Variants in RABEP1 observed in about 807,000 individuals in gnomAD.
The protein encoded by RABEP1 is rab GTPase-binding effector protein 1.
A neutral mutation model predicts 123.4 loss-of-function variants in RABEP1; 51 were observed. The observed-to-expected ratio is 0.41, with a 90% CI of 0.33 to 0.52. The LOEUF is 0.52. Ranked by LOEUF, RABEP1 falls within the 20% of genes least tolerant of loss-of-function variation. The pLI is 0.16. For missense variants in RABEP1, 888 were observed against 996.3 expected (o/e 0.89, Z 1.46); for synonymous variants, 347 against 355.2 (o/e 0.98, Z 0.26).
intron 11 of RABEP1, among the ~76,000 whole-genome samples, chr17:5,367,375 G>T (rs566575304): frequency 6.6e-6 from 1 of 151,152 alleles, no homozygotes; most frequent in Admixed American, 6.6e-5. Flanking sequence ...AGGTTCAAGC[G>T]ATTCTCCTGC....
chr17:5,380,215 G>A, intron 15 of RABEP1, 149 bp from the exon 16 acceptor site: 3 of 597,336 alleles, frequency 5.0e-6, no homozygotes, highest in Non-Finnish European at 8.8e-6. Flanking sequence ...AGAATACAGA[G>A]GGGATCCACA....
intron 5 of RABEP1, among the ~76,000 whole-genome samples, chr17:5,344,457 G>A (rs560298605): frequency 7.2e-5 from 11 of 152,002 alleles, no homozygotes; most frequent in Non-Finnish European, 1.6e-4. Context: ...AAGTCCACAA[G>A]TGACAGATAA....
At chr17:5,322,508 G>T (rs552110972) in intron 2 of RABEP1, among the ~76,000 whole-genome samples, 2 of 152,270 alleles carry the variant, frequency 1.3e-5, no homozygotes, top group East Asian at 1.9e-4. Context: ...TCTGATGGGT[G>T]AGAGAGACTG....
chr17:5,318,528 G>C (rs565450798), intron 2 of RABEP1, among the ~76,000 whole-genome samples: 30 of 152,088 alleles, frequency 2.0e-4, no homozygotes, highest in Non-Finnish European at 4.3e-4. Context: ...GAAAATTATG[G>C]AACAACTTCA....
chr17:5,321,927 G>A (rs1170087050), intron 2 of RABEP1, among the ~76,000 whole-genome samples: 8 of 152,086 alleles, frequency 5.3e-5, no homozygotes, highest in African/African-American at 1.2e-4. Flanking sequence ...AGCTGGGTGC[G>A]GTGGCTCACG....
At chr17:5,381,283 A>G in intron 16 of RABEP1, 106 bp from the exon 17 acceptor site, 1 of 1,502,766 alleles carries the variant, frequency 6.7e-7, no homozygotes, top group South Asian at 1.3e-5. Context: ...TGCGACGGAT[A>G]TCCACCCACC....
intron 1 of RABEP1, among the ~76,000 whole-genome samples, chr17:5,293,810 A>C (rs2075055184): frequency 6.6e-6 from 1 of 152,230 alleles, no homozygotes; most frequent in Admixed American, 6.5e-5. Flanking sequence ...AAAATCAATT[A>C]GATAGCTGCT....
At position 5,350,598 on chromosome 17, in the gene RABEP1, G is replaced by A. The variant is rs937095791; in HGVS notation, c.932G>A (p.Arg311Gln). Reference sequence around the variant, plus strand: ...ATTGTGCTAACTTCAGAACAGCTCCGACAAGTTGAAGAACTGAAGAAGAAA... The same window carrying A: ...ATTGTGCTAACTTCAGAACAGCTCCAACAAGTTGAAGAACTGAAGAAGAAA... The part of the protein sequence containing the change: ...MEIVLTSEQL[R>Q]QVEELKKKDQ... Residue 311 changes from arginine (R) to glutamine (Q), a missense_variant, in exon 7 of 18, where the codon CGA becomes CAA. Transcript: ENST00000537505. 4.3e-6 allele frequency: 7 copies of A among 1,613,848 alleles called. No homozygotes were observed. The South Asian group carries it at 4.4e-5, about 10-fold the overall frequency.
At position 5,356,850 on chromosome 17, in the gene RABEP1, C is replaced by T. The variant is rs567882697; in HGVS notation, c.1095+2360C>T. ...TAGAGACGGTGTTTCAACATGTTGC[C>T]CCGGCTGGAACACATGTGTTTCTAT... On this transcript the variant is annotated intron_variant, in intron 8 of 17. Transcript: ENST00000537505. Among the ~76,000 whole-genome samples, 3 of 149,894 alleles carry T rather than the reference C, an allele frequency of 2.0e-5. No individual in the cohort carries two copies. In the South Asian group the frequency reaches 6.4e-4, roughly 32 times the overall value.
intron 1 of RABEP1, among the ~76,000 whole-genome samples, chr17:5,295,698 T>C (rs1039480504): frequency 2.6e-5 from 4 of 152,158 alleles, no homozygotes; most frequent in Admixed American, 2.0e-4. Context: ...AGCCAACCCC[T>C]AGTAGCTTCA....
chr17:5,300,162 A>G (rs1208048199), intron 1 of RABEP1, among the ~76,000 whole-genome samples: 1 of 152,194 alleles, frequency 6.6e-6, no homozygotes, highest in Non-Finnish European at 1.5e-5. Flanking sequence ...CCAGCTAAGC[A>G]TTCAAGTGCA....
intron 1 of RABEP1, among the ~76,000 whole-genome samples, chr17:5,287,471 C>G (rs765075423): frequency 3.3e-5 from 5 of 151,782 alleles, no homozygotes; most frequent in Non-Finnish European, 7.4e-5. Flanking sequence ...TGGTGGCACG[C>G]GCCTGTAATC....
intron 5 of RABEP1, among the ~76,000 whole-genome samples, chr17:5,344,701 G>A (rs914279811): frequency 6.6e-6 from 1 of 150,898 alleles, no homozygotes; most frequent in Non-Finnish European, 1.5e-5. Flanking sequence ...GAACCCGGGA[G>A]GCGGAGCTTG....
chr17:5,354,510 A>G lies in RABEP1; in HGVS notation c.1095+20A>G. 1 of 1,584,746 alleles carries G rather than the reference A, an allele frequency of 6.3e-7. No homozygotes were observed. The highest frequency in any genetic ancestry group is 8.5e-7 in the Non-Finnish European group (1 of 1,169,618). On this transcript the variant is annotated intron_variant, in intron 8 of 17. Transcript: ENST00000537505. ...GAAGAGGTATAGTGAGTCTATAATT[A>G]AAGTCATTAAATACACAATGTCAAC...
At chr17:5,367,483 C>T (rs376703738) in intron 11 of RABEP1, among the ~76,000 whole-genome samples, 1 of 151,770 alleles carries the variant, frequency 6.6e-6, no homozygotes, top group Non-Finnish European at 1.5e-5. Context: ...CTTGGCCAGG[C>T]TGGTCTCGAA....
At chr17:5,312,220 G>T (rs759349279) in intron 2 of RABEP1, among the ~76,000 whole-genome samples, 96 of 152,312 alleles carry the variant, frequency 6.3e-4, no homozygotes, top group Non-Finnish European at 2.6e-4. Context: ...AACAATCTTG[G>T]CTCACTGCAA....
chr17:5,365,105 CT>C lies in RABEP1; in HGVS notation c.1669-13del. ...AAAGGATTCTGGTTTTTCTAATTGA[CT>C]TTTAAAATGATACAGGTGAAAAAAC... On this transcript the variant is annotated splice_polypyrimidine_tract_variant and intron_variant, in intron 10 of 17. Coordinates refer to ENST00000537505, the MANE Select transcript of RABEP1 (RefSeq NM_004703.6). The C allele has an allele frequency of 6.7e-7, 1 of 1,497,264 alleles. No individual in the cohort carries two copies. The highest frequency in any genetic ancestry group is 2.4e-5 in the East Asian group (1 of 41,216). 92.7% of individuals were successfully genotyped at this position (1,497,264 alleles called of 1,614,324 possible).
intron 4 of RABEP1, among the ~76,000 whole-genome samples, chr17:5,336,988 G>C (rs748404843): frequency 6.6e-6 from 1 of 152,110 alleles, no homozygotes; most frequent in Non-Finnish European, 1.5e-5. Flanking sequence ...CAGTGAATTA[G>C]GTTTTCAGTT....
chr17:5,350,475 G>A lies in RABEP1; in HGVS notation c.809G>A (p.Arg270Gln), dbSNP rs1397428755. ...HEVCHLLEQE[R>Q]QQHNQLKHTW... ...GTTTGCCATCTCTTGGAGCAAGAGC[G>A]ACAACAACACAACCAGTTAAAACAT... Residue 270 changes from arginine (R) to glutamine (Q), a missense_variant, in exon 7 of 18, where the codon CGA becomes CAA. Coordinates refer to ENST00000537505, the MANE Select transcript of RABEP1 (RefSeq NM_004703.6). 10 of 1,613,402 alleles carry A rather than the reference G, an allele frequency of 6.2e-6. No individual in the cohort carries two copies. The highest frequency in any genetic ancestry group is 3.3e-5 in the Admixed American group (2 of 59,866).
Sources: allele counts gnomAD v4.1 joint callset (sites outside exome capture counted in the v4.1 genomes callset), GRCh38; gene constraint gnomAD v4.1.1; transcripts MANE v1.5; gene names NCBI Gene and HGNC (gene_info 2026-07-23, HGNC 2026-07-21).